SLC2A13: variants seen among roughly 807,000 people sequenced by gnomAD.
The protein encoded by SLC2A13 is solute carrier family 2 member 13.
In SLC2A13, 32 loss-of-function variants were observed where a neutral mutation model predicts 64.4. The ratio of observed to expected loss-of-function variants is 0.50; its 90% CI spans 0.37 to 0.67. The LOEUF (loss-of-function observed/expected upper bound fraction) is 0.67. SLC2A13 is among the 30% of genes least tolerant of loss of function. The pLI is 0.00. For synonymous variants in SLC2A13, 338 were observed against 327.1 expected (o/e 1.03, Z -0.36); for missense variants, 743 against 829.2 (o/e 0.90, Z 1.28).
intron 3 of SLC2A13, among the ~76,000 whole-genome samples, chr12:39,966,138 T>TAGAG (rs201821233): frequency 1.1e-4 from 16 of 148,598 alleles, no homozygotes; most frequent in Non-Finnish European, 2.1e-4. Context: ...TATATATATA[T>TAGAG]AGAGAGAGAG....
intron 2 of SLC2A13, among the ~76,000 whole-genome samples, chr12:40,046,761 CA>C (rs145016450): frequency 0.098 from 14,886 of 152,120 alleles, 883 homozygotes; most frequent in East Asian, 0.19. Flanking sequence ...TCATTAGCTT[CA>C]AAGAGTTTTC....
At chr12:40,087,259 CT>C (rs1423783026) in intron 1 of SLC2A13, among the ~76,000 whole-genome samples, 5 of 152,162 alleles carry the variant, frequency 3.3e-5, no homozygotes, top group Non-Finnish European at 7.4e-5. Context: ...ACTCTTGAAG[CT>C]ACTTTCAAGA....
intron 6 of SLC2A13, among the ~76,000 whole-genome samples, chr12:39,836,197 G>A (rs1298949552): frequency 6.6e-6 from 1 of 152,032 alleles, no homozygotes; most frequent in African/African-American, 2.4e-5. Context: ...TTTCTCAATT[G>A]TAGACACCTT....
intron 3 of SLC2A13, among the ~76,000 whole-genome samples, chr12:39,966,333 G>C (rs1435529058): frequency 6.6e-6 from 1 of 151,882 alleles, no homozygotes; most frequent in Admixed American, 6.6e-5. Context: ...TTTTGATAAG[G>C]GAAGTGAGGT....
At chr12:39,977,636 T>C (rs1946788162) in intron 3 of SLC2A13, among the ~76,000 whole-genome samples, 1 of 152,334 alleles carries the variant, frequency 6.6e-6, no homozygotes, top group African/African-American at 2.4e-5. Flanking sequence ...AAAATATAAC[T>C]GAAAATCTTT....
intron 4 of SLC2A13, among the ~76,000 whole-genome samples, chr12:39,898,094 A>G (rs1043223853): frequency 6.6e-6 from 1 of 152,144 alleles, no homozygotes; most frequent in African/African-American, 2.4e-5. Flanking sequence ...TGTTGGGAAT[A>G]TAATTTTTGT....
At chr12:40,036,008 T>A (rs1179630481) in intron 2 of SLC2A13, among the ~76,000 whole-genome samples, 1 of 152,206 alleles carries the variant, frequency 6.6e-6, no homozygotes, top group East Asian at 1.9e-4. Context: ...AATATACACA[T>A]ATCCTTTTTT....
At chr12:39,783,379 T>C (rs1941068833) in intron 7 of SLC2A13, among the ~76,000 whole-genome samples, 1 of 152,250 alleles carries the variant, frequency 6.6e-6, no homozygotes. Flanking sequence ...TCTTTGGGTA[T>C]ATACCCAGCA....
At chr12:39,805,534 G>C (rs1288304342) in intron 7 of SLC2A13, among the ~76,000 whole-genome samples, 1 of 151,176 alleles carries the variant, frequency 6.6e-6, no homozygotes, top group Non-Finnish European at 1.5e-5. Context: ...TTTCCCCAGA[G>C]ACTTTATTCC....
chr12:40,031,905 A>G lies in SLC2A13; in HGVS notation c.717-3396T>C, dbSNP rs369848962. The stretch of plus-strand genomic sequence containing the variant: ...GACTACCAGTCCTCTAAATCCAAGG[A>G]AAGCAGGAATTAGATGAATGACAGA... On this transcript the variant is annotated intron_variant, in intron 2 of 9. Coordinates refer to ENST00000280871, the MANE Select transcript of SLC2A13 (RefSeq NM_052885.4). Among the ~76,000 whole-genome samples, 5 of 152,354 alleles carry G rather than the reference A, an allele frequency of 3.3e-5. No homozygotes were observed. In the East Asian group the frequency reaches 9.7e-4, roughly 29 times the overall value.
intron 6 of SLC2A13, among the ~76,000 whole-genome samples, chr12:39,839,201 C>T (rs958748643): frequency 2.0e-5 from 3 of 152,022 alleles, no homozygotes; most frequent in Non-Finnish European, 4.4e-5. Context: ...CACTACCAGT[C>T]GGGACAGCGA....
chr12:40,094,873 G>C (rs1165580919), intron 1 of SLC2A13, among the ~76,000 whole-genome samples: 1 of 152,210 alleles, frequency 6.6e-6, no homozygotes, highest in Non-Finnish European at 1.5e-5. Context: ...TGACAGCTTT[G>C]AATAGGAGAC....
At chr12:39,903,724 A>G (rs559488516) in intron 4 of SLC2A13, among the ~76,000 whole-genome samples, 14 of 152,238 alleles carry the variant, frequency 9.2e-5, no homozygotes, top group African/African-American at 3.1e-4. Context: ...TGGAGACATC[A>G]TTTGAGCTGT....
chr12:39,799,362 G>A (rs909160428), intron 7 of SLC2A13, among the ~76,000 whole-genome samples: 3 of 146,766 alleles, frequency 2.0e-5, no homozygotes, highest in Non-Finnish European at 3.0e-5. Flanking sequence ...TGCCTACCTC[G>A]ACCTTCCAAA....
At position 40,001,241 on chromosome 12, in the gene SLC2A13, A is replaced by G. The variant is rs1001636215; in HGVS notation, c.925+27060T>C. 8.5e-5 allele frequency among the ~76,000 whole-genome samples: 13 copies of G among 152,364 alleles called. No individual in the cohort carries two copies. In the East Asian group the frequency reaches 2.1e-3, roughly 25 times the overall value. On this transcript the variant is annotated intron_variant, in intron 3 of 9. Transcript: ENST00000280871. ...CTGCATTGCCAAAATCCAAACTGGCAGCACATACTGGAGAGGGGAACACAA... is the reference window on the plus strand; with the variant it reads ...CTGCATTGCCAAAATCCAAACTGGCGGCACATACTGGAGAGGGGAACACAA...
chr12:40,093,525 A>C (rs1938834316), intron 1 of SLC2A13, among the ~76,000 whole-genome samples: 2 of 152,228 alleles, frequency 1.3e-5, no homozygotes, highest in Admixed American at 1.3e-4. Context: ...ACAACCATTA[A>C]GTGTTTTGGC....
chr12:39,976,432 T>C (rs1265522622), intron 3 of SLC2A13, among the ~76,000 whole-genome samples: 2 of 152,224 alleles, frequency 1.3e-5, no homozygotes, highest in African/African-American at 4.8e-5. Flanking sequence ...GAGAGATATA[T>C]TCTAGCTGAA....
chr12:40,105,788 C>G lies in SLC2A13; in HGVS notation c.21G>C (p.Glu7Asp). 1 of 1,485,398 alleles carries G rather than the reference C, an allele frequency of 6.7e-7. No homozygotes were observed. Among genetic ancestry groups the G allele is most frequent in the Non-Finnish European group, 8.9e-7 (1 of 1,117,962 alleles). The allele number at this position is 1,485,398 out of a possible 1,614,324, so 92.0% of individuals were successfully genotyped here. A position where few individuals can be genotyped will look rare whatever the true frequency, so the allele number is the denominator to read the frequency against. Residue 7 changes from glutamate (E) to aspartate (D), a missense_variant, in exon 1 of 10, where the codon GAG becomes GAC. This residue lies in a region of SLC2A13 where 448 missense variants were observed against 447.4 expected (regional missense o/e 1.00). Transcript: ENST00000280871. This position sits in a 1 kb window ranked among gnomAD's most constrained non-coding sequence, Gnocchi z 4.2. The stretch of plus-strand genomic sequence containing the variant: ...GGCTCCGCAGCGTGTACTCCACATT[C>G]TCGCTTGCCTTGCGGGACATAGGGC... MSRKAS[E>D]NVEYTLRSLS...
intron 1 of SLC2A13, among the ~76,000 whole-genome samples, chr12:40,050,449 G>A (rs903074045): frequency 3.3e-5 from 5 of 152,136 alleles, no homozygotes; most frequent in South Asian, 2.1e-4. Context: ...AAAGTAATAC[G>A]TACTGACAAA....
Sources: allele counts gnomAD v4.1 joint callset (sites outside exome capture counted in the v4.1 genomes callset), GRCh38; gene constraint gnomAD v4.1.1; regional missense constraint gnomAD v4.1.1; non-coding constraint Gnocchi (gnomAD v3.1); transcripts MANE v1.5; gene names NCBI Gene and HGNC (gene_info 2026-07-23, HGNC 2026-07-21).